Variants in ADAMTS20 observed in about 807,000 individuals in gnomAD.
ADAMTS20 encodes ADAM metallopeptidase with thrombospondin type 1 motif 20.
A neutral mutation model predicts 260.1 loss-of-function variants in ADAMTS20; 225 were observed. That is an observed-to-expected ratio of 0.87 (90% CI 0.78 to 0.97). ADAMTS20 has a LOEUF of 0.97. Ranked by LOEUF, ADAMTS20 falls within the 50% of genes least tolerant of loss-of-function variation. The probability of loss-of-function intolerance (pLI) is 0.00; values close to 1 mark genes in which losing one functional copy is unlikely to be tolerated. For missense variants in ADAMTS20, 2,400 were observed against 2,337.7 expected, an observed-to-expected ratio of 1.03 and a Z score of -0.55; for synonymous variants, 802 against 769.5, an observed-to-expected ratio of 1.04 and a Z score of -0.70.
rs755058989 is a variant in ADAMTS20 at position 43,448,801 on chromosome 12, AC to A, written c.2080-2090del. On this transcript the variant is annotated intron_variant, in intron 14 of 38. Transcript: ENST00000389420. ...TTAAATAAATTTACAAGAAAAAAAA[AC>A]AATCCCATTAAAAAGTGAGCAAAGA... Among the ~76,000 whole-genome samples, 13 of 152,280 alleles carry A rather than the reference AC, an allele frequency of 8.5e-5. 1 individual carries two copies. Among genetic ancestry groups the A allele is most frequent in the South Asian group, 6.2e-4 (3 of 4,822 alleles).
intron 16 of ADAMTS20, among the ~76,000 whole-genome samples, chr12:43,441,882 T>G (rs996367175): frequency 6.6e-6 from 1 of 152,180 alleles, no homozygotes. Flanking sequence ...AATTTGGTGT[T>G]TCTGTGTATA....
Position 43,550,973 on chromosome 12 carries a change from A to T in ADAMTS20, c.389T>A (p.Phe130Tyr), listed in dbSNP as rs1943504216. The change falls in exon 2 of 39, where the codon TTC (phenylalanine) becomes TAC (tyrosine). Residue 130 changes from phenylalanine (F) to tyrosine (Y), a missense_variant. Physicochemically the swap from Phe to Tyr is conservative, Grantham distance 22. Transcript: ENST00000389420. ...CTGTGAGTTGACCTGGCCGCGGTAGAAGCAGTGGCGCAGGTCCGAGGGCCC... is the reference window on the plus strand; with the variant it reads ...CTGTGAGTTGACCTGGCCGCGGTAGTAGCAGTGGCGCAGGTCCGAGGGCCC... ...DAGPSDLRHCFYRGQVNSQED... is the reference protein window; with the variant it reads ...DAGPSDLRHCYYRGQVNSQED... The T allele has an allele frequency of 6.2e-7, 1 of 1,607,076 alleles. No homozygotes were observed. Among genetic ancestry groups the T allele is most frequent in the Admixed American group, 1.7e-5 (1 of 59,440 alleles).
intron 28 of ADAMTS20, among the ~76,000 whole-genome samples, chr12:43,421,972 A>C (rs1228129841): frequency 6.6e-6 from 1 of 151,980 alleles, no homozygotes; most frequent in Non-Finnish European, 1.5e-5. Flanking sequence ...CTGTTCAGTG[A>C]CTCGGAACAT....
At chr12:43,506,811 A>C (rs1242288433) in intron 3 of ADAMTS20, among the ~76,000 whole-genome samples, 1 of 151,804 alleles carries the variant, frequency 6.6e-6, no homozygotes, top group African/African-American at 2.4e-5. Flanking sequence ...ACAATTAAAA[A>C]ATGTTTCAAA....
intron 3 of ADAMTS20, among the ~76,000 whole-genome samples, chr12:43,507,601 C>A (rs1942865071): frequency 6.6e-6 from 1 of 152,108 alleles, no homozygotes; most frequent in African/African-American, 2.4e-5. Flanking sequence ...CAATGGCTAA[C>A]AATAATAAGT....
chr12:43,430,369 G>A lies in ADAMTS20; in HGVS notation c.3364C>T (p.Arg1122Cys), dbSNP rs145725745. ...LEDTECHEAS[R>C]PSDRQSCVLT... ...CTTTTTACCTGTCTGTCACTGGGGC[G>A]ACTAGCTTCATGGCATTCTGTGTCC... The change falls in exon 23 of 39, where the codon CGC becomes TGC. Residue 1122 changes from arginine (R) to cysteine (C), a missense_variant. By Grantham distance (180) the Arg-to-Cys change is radical (BLOSUM62 -3). Transcript: ENST00000389420. The A allele has an allele frequency of 6.8e-6, 11 of 1,611,518 alleles. No individual in the cohort carries two copies. Among genetic ancestry groups the A allele is most frequent in the African/African-American group, 2.7e-5 (2 of 74,884 alleles).
intron 8 of ADAMTS20, among the ~76,000 whole-genome samples, chr12:43,468,132 A>G (rs969962061): frequency 1.3e-5 from 2 of 152,184 alleles, no homozygotes; most frequent in East Asian, 3.8e-4. Context: ...AAAAGTGAAT[A>G]CTTTAAAAAA....
chr12:43,493,965 T>C (rs1362543044), intron 4 of ADAMTS20, among the ~76,000 whole-genome samples: 2 of 152,196 alleles, frequency 1.3e-5, no homozygotes, highest in Non-Finnish European at 2.9e-5. Context: ...CTGCATGGGC[T>C]CATTTATGAT....
chr12:43,497,059 A>G (rs1301060035), intron 4 of ADAMTS20, among the ~76,000 whole-genome samples: 1 of 152,178 alleles, frequency 6.6e-6, no homozygotes, highest in Non-Finnish European at 1.5e-5. Flanking sequence ...TATTACCTTA[A>G]TCACTACATT....
At chr12:43,374,162 A>G (rs1422286324) in intron 36 of ADAMTS20, among the ~76,000 whole-genome samples, 1 of 152,216 alleles carries the variant, frequency 6.6e-6, no homozygotes, top group African/African-American at 2.4e-5. Context: ...TCTAGAGTTT[A>G]TTATTGTAAC....
At chr12:43,401,703 A>G (rs565121704) in intron 28 of ADAMTS20, among the ~76,000 whole-genome samples, 13 of 150,144 alleles carry the variant, frequency 8.7e-5, no homozygotes, top group African/African-American at 2.9e-4. Flanking sequence ...TATTTTTATC[A>G]ATCTTTATAT....
intron 9 of ADAMTS20, among the ~76,000 whole-genome samples, chr12:43,466,311 C>T (rs368852915): frequency 4.2e-4 from 64 of 151,722 alleles, no homozygotes; most frequent in East Asian, 2.7e-3. Context: ...CTAGTCACTT[C>T]GAAAAAATTC....
chr12:43,485,297 C>T (rs1035292778), intron 7 of ADAMTS20, among the ~76,000 whole-genome samples: 2 of 152,038 alleles, frequency 1.3e-5, no homozygotes, highest in Non-Finnish European at 2.9e-5. Flanking sequence ...TGTGATTCAT[C>T]ACATAAACAA....
intron 29 of ADAMTS20, among the ~76,000 whole-genome samples, chr12:43,384,561 G>A (rs1032193496): frequency 1.2e-4 from 18 of 151,926 alleles, no homozygotes; most frequent in Non-Finnish European, 2.1e-4. Flanking sequence ...CCATCAACCC[G>A]TCATCTGCAT....
chr12:43,451,459 A>G (rs1015402045), intron 14 of ADAMTS20, among the ~76,000 whole-genome samples: 35 of 151,016 alleles, frequency 2.3e-4, no homozygotes, highest in African/African-American at 7.8e-4. Context: ...CCTTGACTTC[A>G]AATGCTTCTA....
At position 43,551,335 on chromosome 12, in the gene ADAMTS20, T is replaced by C; in HGVS notation, c.92-65A>G. 1 of 1,547,256 alleles carries C rather than the reference T, an allele frequency of 6.5e-7. No homozygotes were observed. The highest frequency in any genetic ancestry group is 8.7e-7 in the Non-Finnish European group (1 of 1,146,782). On this transcript the variant is annotated intron_variant, in intron 1 of 38. Transcript: ENST00000389420. This position sits in a 1 kb window ranked among gnomAD's most constrained non-coding sequence, Gnocchi z 4.6. The stretch of plus-strand genomic sequence containing the variant: ...TCCTCATTGTCCAACTCTAAACTTC[T>C]TCCACCAAACGTCCCCGCTAAAGGT...
intron 2 of ADAMTS20, among the ~76,000 whole-genome samples, chr12:43,537,461 G>A (rs948304004): frequency 2.6e-5 from 4 of 151,976 alleles, no homozygotes; most frequent in African/African-American, 7.3e-5. Flanking sequence ...CACATCATGG[G>A]GAATGGGATA....
chr12:43,407,785 T>C (rs1940946706), intron 28 of ADAMTS20, among the ~76,000 whole-genome samples: 1 of 152,156 alleles, frequency 6.6e-6, no homozygotes, highest in African/African-American at 2.4e-5. Context: ...TGAGTTTATT[T>C]TGGTAGAAGC....
intron 3 of ADAMTS20, among the ~76,000 whole-genome samples, chr12:43,522,712 T>C (rs1943088835): frequency 6.6e-6 from 1 of 152,192 alleles, no homozygotes. Context: ...TGTTTGATGG[T>C]GGTGTTTGTG....
Sources: gnomAD v4.1 joint callset for allele counts (sites outside exome capture counted in the v4.1 genomes callset) on GRCh38, gnomAD v4.1.1 for gene constraint, Gnocchi (gnomAD v3.1) non-coding constraint, MANE v1.5 for transcripts, NCBI Gene and HGNC (gene_info 2026-07-23, HGNC 2026-07-21) for gene names.